Variants in USP32 observed in about 807,000 individuals in gnomAD.
USP32 encodes the protein ubiquitin specific peptidase 32.
In USP32, 59 loss-of-function variants were observed where a neutral mutation model predicts 204.8. The ratio of observed to expected loss-of-function variants is 0.29; its 90% CI spans 0.23 to 0.36. USP32 has a LOEUF of 0.36. Among genes scored for constraint, USP32 ranks in the 10% least tolerant of loss-of-function variants. The pLI is 1.00. For missense variants in USP32, 1,160 were observed against 1,946.4 expected (o/e 0.60, Z 7.60); for synonymous variants, 517 against 678.4 (o/e 0.76, Z 3.70).
At chr17:60,229,696 A>G (rs1005830918) in intron 12 of USP32, among the ~76,000 whole-genome samples, 2 of 152,238 alleles carry the variant, frequency 1.3e-5, no homozygotes, top group African/African-American at 4.8e-5. Flanking sequence ...GTTTTGCTAT[A>G]AGTGATCTTA....
At chr17:60,325,845 C>A (rs1461362175) in intron 2 of USP32, among the ~76,000 whole-genome samples, 1 of 151,948 alleles carries the variant, frequency 6.6e-6, no homozygotes, top group Non-Finnish European at 1.5e-5. Flanking sequence ...AGGAAGATTG[C>A]TTGAGCCCAG....
intron 2 of USP32, among the ~76,000 whole-genome samples, chr17:60,329,479 TA>T (rs200085645): frequency 1.0e-4 from 15 of 149,462 alleles, no homozygotes; most frequent in East Asian, 1.9e-4. Context: ...TGTTTTTATT[TA>T]TTTTTTTTTT....
At chr17:60,183,560 A>T in intron 30 of USP32, 107 bp from the exon 31 acceptor site, 1 of 1,408,410 alleles carries the variant, frequency 7.1e-7, no homozygotes, top group Non-Finnish European at 9.6e-7. Flanking sequence ...AATATATAAC[A>T]GAACATTTAC....
intron 2 of USP32, among the ~76,000 whole-genome samples, chr17:60,336,641 GGGAGGC>G (rs1567859539): frequency 2.0e-5 from 3 of 146,610 alleles, no homozygotes; most frequent in Non-Finnish European, 3.0e-5. Context: ...GCGTGAACCC[GGGAGGC>G]GGAGCTTGCA....
intron 2 of USP32, among the ~76,000 whole-genome samples, chr17:60,309,353 A>G (rs779510212): frequency 2.6e-5 from 4 of 152,182 alleles, no homozygotes; most frequent in Non-Finnish European, 5.9e-5. Context: ...AATTCCCAGC[A>G]TTTTGGGAGG....
intron 1 of USP32, among the ~76,000 whole-genome samples, chr17:60,412,850 A>C (rs2090029195): frequency 6.6e-6 from 1 of 152,176 alleles, no homozygotes; most frequent in African/African-American, 2.4e-5. Flanking sequence ...TGTCTTAGCA[A>C]AGAAAACCTT....
At chr17:60,354,945 G>A (rs2089034006) in intron 1 of USP32, among the ~76,000 whole-genome samples, 1 of 152,178 alleles carries the variant, frequency 6.6e-6, no homozygotes, top group Non-Finnish European at 1.5e-5. Context: ...TCAGGAGACT[G>A]AGGCAGGAGA....
chr17:60,344,615 A>G (rs2088740627), intron 2 of USP32, among the ~76,000 whole-genome samples: 1 of 151,818 alleles, frequency 6.6e-6, no homozygotes, highest in Non-Finnish European at 1.5e-5. Context: ...CATGTCTGCT[A>G]ATTTTTTTGG....
At chr17:60,264,082 G>A (rs1378566161) in intron 9 of USP32, among the ~76,000 whole-genome samples, 1 of 152,066 alleles carries the variant, frequency 6.6e-6, no homozygotes, top group Non-Finnish European at 1.5e-5. Context: ...AATCTATTAT[G>A]ATAACATTAC....
Position 60,255,180 on chromosome 17 carries a change from A to G in USP32, c.1069T>C (p.Phe357Leu), listed in dbSNP as rs1218489427. ...GTCATTTACCTTAAACATACCTGGA[A>G]AAGGAGGTTCAAAAACTCATTGGCA... is the stretch of plus-strand genomic sequence containing the variant. The part of the protein sequence containing the change: ...VLANEFLNLL[F>L]QVCHIVLGLR... Residue 357 changes from phenylalanine (F) to leucine (L), a missense_variant, in exon 10 of 34, where the codon TTC becomes CTC. Coordinates refer to ENST00000300896, the MANE Select transcript of USP32 (RefSeq NM_032582.4). The G allele has an allele frequency of 1.2e-6, 2 of 1,612,248 alleles. No individual in the cohort carries two copies. The highest frequency in any genetic ancestry group is 4.5e-5 in the East Asian group (2 of 44,854).
At chr17:60,290,055 C>A (rs1426044850) in intron 4 of USP32, among the ~76,000 whole-genome samples, 2 of 152,134 alleles carry the variant, frequency 1.3e-5, no homozygotes, top group Non-Finnish European at 2.9e-5. Flanking sequence ...CAAATTGGGT[C>A]ATTCTTGTCA....
At chr17:60,392,162 G>A, upstream of USP32, 1 of 532,480 alleles carries the variant, frequency 1.9e-6, no homozygotes, top group East Asian at 3.4e-5. Flanking sequence ...CCCTTCCCCT[G>A]CCTCCTACTC....
intron 2 of USP32, among the ~76,000 whole-genome samples, chr17:60,315,591 T>C (rs56187059): frequency 0.035 from 5,314 of 152,024 alleles, 318 homozygotes; most frequent in African/African-American, 0.12. Flanking sequence ...CCAAAAAGAA[T>C]TGAAAACAGA....
intron 16 of USP32, among the ~76,000 whole-genome samples, chr17:60,215,022 C>T (rs541857451): frequency 4.6e-5 from 7 of 152,122 alleles, no homozygotes; most frequent in South Asian, 4.2e-4. Context: ...GACTAGAGTG[C>T]GGTGCTGTGA....
At chr17:60,263,332 G>T (rs182677801) in intron 9 of USP32, among the ~76,000 whole-genome samples, 2 of 152,236 alleles carry the variant, frequency 1.3e-5, no homozygotes, top group East Asian at 3.9e-4. Context: ...TAGATCTCTT[G>T]AGCCACTACA....
rs1330475855 is a variant in USP32, at chr17:60,178,844, G to A, written c.*411C>T. Among the ~76,000 whole-genome samples the A allele has an allele frequency of 6.6e-6, 1 of 152,174 alleles. No homozygotes were observed. Among genetic ancestry groups the A allele is most frequent in the African/African-American group, 2.4e-5 (1 of 41,448 alleles). On this transcript the variant is annotated 3_prime_UTR_variant, in exon 34 of 34. Coordinates refer to ENST00000300896, the MANE Select transcript of USP32 (RefSeq NM_032582.4). ...GAAAAAGGAGGTAGCATATCATGTC[G>A]TCCCTAGACAACATTATAATTGTTT...
chr17:60,232,659 G>A (rs1381861656), intron 12 of USP32, among the ~76,000 whole-genome samples: 2 of 149,612 alleles, frequency 1.3e-5, no homozygotes, highest in African/African-American at 4.9e-5. Context: ...CTATTCTTGT[G>A]TCTCAGCCTC....
chr17:60,205,782 G>A (rs1013551757), intron 25 of USP32, 124 bp from the exon 26 acceptor site: 6 of 1,131,528 alleles, frequency 5.3e-6, no homozygotes, highest in African/African-American at 4.8e-5. Context: ...AGAAATCACA[G>A]TATAAATAAT....
chr17:60,214,045 A>G (rs2085040742), intron 17 of USP32, among the ~76,000 whole-genome samples: 1 of 151,708 alleles, frequency 6.6e-6, no homozygotes, highest in South Asian at 2.1e-4. Context: ...GGGTTCAAGC[A>G]ATTCTCCTGC....
Sources: gnomAD v4.1 joint callset for allele counts (sites outside exome capture counted in the v4.1 genomes callset) on GRCh38, gnomAD v4.1.1 for gene constraint, MANE v1.5 for transcripts, NCBI Gene and HGNC (gene_info 2026-07-23, HGNC 2026-07-21) for gene names.